PAAF1: variants seen among roughly 807,000 people sequenced by gnomAD.
The protein encoded by PAAF1 is proteasomal ATPase-associated factor 1.
A neutral mutation model predicts 52.8 loss-of-function variants in PAAF1; 46 were observed. The ratio of observed to expected loss-of-function variants is 0.87; its 90% CI spans 0.69 to 1.11. The LOEUF is 1.11. Ranked by LOEUF, PAAF1 falls within the 50% of genes most tolerant of loss-of-function variation. The probability of loss-of-function intolerance (pLI) is 0.00; values close to 1 mark genes in which losing one functional copy is unlikely to be tolerated. For synonymous variants in PAAF1, 178 were observed against 172.8 expected (o/e 1.03, Z -0.24); for missense variants, 424 against 477.4 (o/e 0.89, Z 1.04).
chr11:73,920,560 A>T (rs955516973), intron 10 of PAAF1, among the ~76,000 whole-genome samples: 2 of 151,632 alleles, frequency 1.3e-5, no homozygotes, highest in Non-Finnish European at 2.9e-5. Flanking sequence ...AAAAAATATT[A>T]AAAAGATAGT....
intron 2 of PAAF1, among the ~76,000 whole-genome samples, chr11:73,886,323 C>G (rs897026756): frequency 2.0e-5 from 3 of 152,330 alleles, no homozygotes; most frequent in East Asian, 1.9e-4. Flanking sequence ...TAAAAGCCCT[C>G]TCTACAAATG....
chr11:73,896,259 T>TC (rs2135159277), intron 4 of PAAF1, among the ~76,000 whole-genome samples: 1 of 151,648 alleles, frequency 6.6e-6, no homozygotes, highest in South Asian at 2.1e-4. Context: ...GAACTCTTTT[T>TC]TTTTTTTTTT....
chr11:73,877,122 G>T, intron 1 of PAAF1, 54 bp downstream of exon 1: 1 of 1,469,696 alleles, frequency 6.8e-7, no homozygotes, highest in South Asian at 1.3e-5. Flanking sequence ...ATGTTGCTTT[G>T]CGTCAAGGAG....
chr11:73,902,845 C>T (rs565074251), intron 6 of PAAF1, among the ~76,000 whole-genome samples: 6 of 152,130 alleles, frequency 3.9e-5, no homozygotes, highest in East Asian at 1.9e-4. Context: ...TACAGGCATG[C>T]GCCACCATGC....
chr11:73,924,518 T>C (rs1950302904), intron 10 of PAAF1, 97 bp from the exon 11 acceptor site: 1 of 998,770 alleles, frequency 1.0e-6, no homozygotes, highest in Middle Eastern at 2.8e-4. Flanking sequence ...CCATCTTCTT[T>C]ACACTAGTGA....
intron 3 of PAAF1, chr11:73,889,351 G>A (rs747817969): frequency 2.5e-5 from 16 of 645,650 alleles, no homozygotes; most frequent in Non-Finnish European, 3.4e-5. Flanking sequence ...CTGTCATTAT[G>A]CTTAAATGTC....
chr11:73,894,243 G>A lies in PAAF1; in HGVS notation c.282+3042G>A, dbSNP rs1233705761. On this transcript the variant is annotated intron_variant, in intron 4 of 11. Transcript: ENST00000310571. Reference sequence around the variant, plus strand: ...TTACAGGCTAGGCACAGTGGCCCATGCCTGTACCCAGCACTCTGGGAGTCC... The same window carrying A: ...TTACAGGCTAGGCACAGTGGCCCATACCTGTACCCAGCACTCTGGGAGTCC... Among the ~76,000 whole-genome samples the A allele has an allele frequency of 3.7e-4, 57 of 152,136 alleles. 1 individual carries two copies. The highest frequency in any genetic ancestry group is 2.9e-5 in the Non-Finnish European group (2 of 68,034).
chr11:73,917,635 G>A (rs1227008983), intron 9 of PAAF1, among the ~76,000 whole-genome samples: 1 of 152,186 alleles, frequency 6.6e-6, no homozygotes, highest in African/African-American at 2.4e-5. Context: ...ACTTTGGAAG[G>A]TCAAGGTGGG....
intron 4 of PAAF1, among the ~76,000 whole-genome samples, chr11:73,894,578 A>G (rs1949292890): frequency 6.6e-6 from 1 of 152,140 alleles, no homozygotes; most frequent in Non-Finnish European, 1.5e-5. Context: ...ACATGTATAC[A>G]TATGTAACTA....
intron 8 of PAAF1, among the ~76,000 whole-genome samples, chr11:73,916,228 A>G (rs1388608749): frequency 1.3e-5 from 2 of 152,130 alleles, no homozygotes; most frequent in Non-Finnish European, 1.5e-5. Flanking sequence ...AGTTGTCATG[A>G]AAAAGGGGCA....
At chr11:73,924,020 C>T (rs1950292806) in intron 10 of PAAF1, among the ~76,000 whole-genome samples, 1 of 152,016 alleles carries the variant, frequency 6.6e-6, no homozygotes, top group Admixed American at 6.6e-5. Flanking sequence ...CACACACACA[C>T]ACACACACCT....
chr11:73,889,022 T>C (rs980891159), intron 3 of PAAF1: 31 of 536,112 alleles, frequency 5.8e-5, no homozygotes, highest in African/African-American at 5.1e-4. Context: ...GAGAGGTTAA[T>C]TAATCTCAAA....
intron 10 of PAAF1, among the ~76,000 whole-genome samples, chr11:73,921,230 G>T (rs1427723232): frequency 6.6e-6 from 1 of 151,896 alleles, no homozygotes; most frequent in East Asian, 1.9e-4. Flanking sequence ...AACCTGGGAG[G>T]TGGAGGTTGC....
At chr11:73,915,462 C>G (rs891340874) in intron 8 of PAAF1, among the ~76,000 whole-genome samples, 1 of 152,098 alleles carries the variant, frequency 6.6e-6, no homozygotes, top group Non-Finnish European at 1.5e-5. Flanking sequence ...ATTGGCTGGG[C>G]ATGGTGGCAT....
chr11:73,881,741 C>G (rs1948913944), intron 2 of PAAF1, among the ~76,000 whole-genome samples: 1 of 152,138 alleles, frequency 6.6e-6, no homozygotes, highest in South Asian at 2.1e-4. Context: ...GAGTCTCACT[C>G]TGTTGCCCAG....
At chr11:73,892,185 A>G (rs1333234308) in intron 4 of PAAF1, among the ~76,000 whole-genome samples, 1 of 151,868 alleles carries the variant, frequency 6.6e-6, no homozygotes. Context: ...TTAGCCAGAC[A>G]TGGTGCCACA....
At position 73,888,971 on chromosome 11, in the gene PAAF1, G is replaced by A. The variant is rs116937815; in HGVS notation, c.192+1514G>A. The A allele has an allele frequency of 5.6e-3, 2,815 of 498,348 alleles. 86 individuals are homozygous for A. The East Asian group carries it at 0.063, about 11-fold the overall frequency. 30.9% of individuals were successfully genotyped at this position (498,348 alleles called of 1,614,324 possible). A position where few individuals can be genotyped will look rare whatever the true frequency, so the allele number is the denominator to read the frequency against. On this transcript the variant is annotated intron_variant, in intron 3 of 11. Coordinates refer to ENST00000310571, the MANE Select transcript of PAAF1 (RefSeq NM_025155.3). ...TTACCATAACAATCCTGTGGGATTGGCATTTTAAATTTCCATTTTGCAGAT... is the reference window on the plus strand; with the variant it reads ...TTACCATAACAATCCTGTGGGATTGACATTTTAAATTTCCATTTTGCAGAT...
chr11:73,920,523 C>T (rs1598044), intron 10 of PAAF1, among the ~76,000 whole-genome samples: 11,022 of 151,912 alleles, frequency 0.073, 592 homozygotes, highest in African/African-American at 0.15. Flanking sequence ...AAGCGAGACT[C>T]TGTCTCAAAA....
At position 73,914,348 on chromosome 11, in the gene PAAF1, G is replaced by A. The variant is rs1950007375; in HGVS notation, c.728-65G>A. ...AATCAGTAATCAACCATCAGTATTG[G>A]TGCTGTGTGGGCACTACCAGCTGAT... On this transcript the variant is annotated intron_variant, in intron 7 of 11. Coordinates refer to ENST00000310571, the MANE Select transcript of PAAF1 (RefSeq NM_025155.3). The A allele has an allele frequency of 1.4e-5, 18 of 1,329,096 alleles. No individual in the cohort carries two copies. The Admixed American group carries it at 2.0e-4, about 15-fold the overall frequency. 82.3% of individuals were successfully genotyped at this position (1,329,096 alleles called of 1,614,324 possible). A position where few individuals can be genotyped will look rare whatever the true frequency, so the allele number is the denominator to read the frequency against.
Sources: gnomAD v4.1 joint callset for allele counts (sites outside exome capture counted in the v4.1 genomes callset) on GRCh38, gnomAD v4.1.1 for gene constraint, MANE v1.5 for transcripts, NCBI Gene and HGNC (gene_info 2026-07-23, HGNC 2026-07-21) for gene names.